The following ZCWPW1 variants were observed in gnomAD, a reference collection of about 807,000 sequenced individuals.
ZCWPW1 encodes the protein zinc finger CW-type PWWP domain protein 1.
ZCWPW1 carries 56 observed loss-of-function variants against 81.3 expected under a neutral mutation model. That is an observed-to-expected ratio of 0.69 (90% confidence interval 0.56 to 0.86). ZCWPW1 has a LOEUF of 0.86. ZCWPW1 is among the 40% of genes least tolerant of loss of function. The pLI is 0.00. For missense variants in ZCWPW1, 650 were observed against 769.8 expected, an observed-to-expected ratio of 0.84 and a Z score of 1.84; for synonymous variants, 250 against 273.7, an observed-to-expected ratio of 0.91 and a Z score of 0.86.
chr7:100,402,611 A>C (rs1792155207), intron 15 of ZCWPW1, 35 bp from the exon 16 acceptor site: 1 of 1,600,454 alleles, frequency 6.2e-7, no homozygotes, highest in South Asian at 1.1e-5. Context: ...AAAAATGATA[A>C]ATCAAGGCCC....
At position 100,426,200 on chromosome 7, in the gene ZCWPW1, A is replaced by G. The variant is rs540243041; in HGVS notation, c.-136-1064T>C. Among the ~76,000 whole-genome samples the G allele has an allele frequency of 2.6e-5, 4 of 152,324 alleles. No homozygotes were observed. The East Asian group carries it at 7.7e-4, about 29-fold the overall frequency. On this transcript the variant is annotated intron_variant, in intron 1 of 17. Coordinates refer to ENST00000684423, the MANE Select transcript of ZCWPW1 (RefSeq NM_001386010.1). The stretch of plus-strand genomic sequence containing the variant: ...TGAGCCTCAAAAAAGCGGTATTTAA[A>G]GAGTATATTTCAGCCGGGCGCAGTG...
intron 8 of ZCWPW1, 96 bp from the exon 9 acceptor site, chr7:100,409,640 G>T: frequency 2.4e-6 from 2 of 838,632 alleles, no homozygotes; most frequent in South Asian, 1.6e-5. Context: ...CTCCCAGAAT[G>T]ACATAGCCAG....
rs774492461 is a variant in ZCWPW1 at position 100,416,405 on chromosome 7, A to G, written c.531T>C (p.Ala177=). The change falls in exon 7 of 18, where the codon GCT becomes GCC. Residue 177 remains alanine (A), a synonymous_variant. Coordinates refer to ENST00000684423, the MANE Select transcript of ZCWPW1 (RefSeq NM_001386010.1). ...QEISVSWEGE[A]APEIRTSKLG... is the part of the protein sequence containing the mutation. ...ACTTAGATGTCCTTATCTCAGGGGC[A>G]GCTTCACCTTCCCAAGACACTGAAA... 1 of 1,614,102 alleles carries G rather than the reference A, an allele frequency of 6.2e-7. No homozygotes were observed. The highest frequency in any genetic ancestry group is 8.5e-7 in the Non-Finnish European group (1 of 1,180,050).
intron 9 of ZCWPW1, 100 bp downstream of exon 9, chr7:100,409,328 G>A: frequency 1.1e-6 from 1 of 945,984 alleles, no homozygotes; most frequent in East Asian, 2.5e-5. Flanking sequence ...GACACTGAGT[G>A]CTAACTATAT....
rs1430104782 is a variant in ZCWPW1 at position 100,426,429 on chromosome 7, T to C, written c.-136-1293A>G. Among the ~76,000 whole-genome samples the C allele has an allele frequency of 5.3e-5, 8 of 150,104 alleles. No homozygotes were observed. In the East Asian group the frequency reaches 1.2e-3, roughly 22 times the overall value. On this transcript the variant is annotated intron_variant, in intron 1 of 17. Transcript: ENST00000684423. The stretch of plus-strand genomic sequence containing the variant: ...ATCACTTGAACCCAGGAGGTGGAGG[T>C]TGCAGTGAGCCAAGACCGTGCTACT...
Position 100,416,311 on chromosome 7 carries a change from C to T in ZCWPW1, c.625G>A (p.Glu209Lys). ...TATATCTGACTGTACTTACGAGCTT[C>T]CTTCTTTCTTTTGCTTAAGGTGAGT... ...NRLTLSKRKK[E>K]AQDEKVEKTQ... Residue 209 changes from glutamate to lysine, a missense_variant, in exon 7 of 18, where the codon GAA becomes AAA. Coordinates refer to ENST00000684423, the MANE Select transcript of ZCWPW1 (RefSeq NM_001386010.1). The T allele has an allele frequency of 6.2e-7, 1 of 1,613,954 alleles. No individual in the cohort carries two copies. Among genetic ancestry groups the T allele is most frequent in the South Asian group, 1.1e-5 (1 of 91,062 alleles).
chr7:100,402,553 C>T lies in ZCWPW1; in HGVS notation c.1437G>A (p.Lys479=), dbSNP rs1347068567. ...TTTTTTGGGTCTGTATTTTGACTCG[C>T]TTACGAATGGGCAAAATTGGGTCCT... is the stretch of plus-strand genomic sequence containing the variant. ...EKTDPILPIR[K]RVKIQTQKTK... is the part of the protein sequence containing the mutation. Residue 479 remains lysine, a synonymous_variant, in exon 16 of 18, where the codon AAG becomes AAA. Coordinates refer to ENST00000684423, the MANE Select transcript of ZCWPW1 (RefSeq NM_001386010.1). The T allele has an allele frequency of 7.4e-6, 12 of 1,613,940 alleles. No individual in the cohort carries two copies. The highest frequency in any genetic ancestry group is 1.3e-5 in the African/African-American group (1 of 74,896).
intron 16 of ZCWPW1, 108 bp downstream of exon 16, chr7:100,402,408 G>A (rs929771358): frequency 8.9e-6 from 11 of 1,229,826 alleles, no homozygotes; most frequent in Non-Finnish European, 1.3e-5. Flanking sequence ...GTTTTCTCAG[G>A]TCCTGGCACT....
At chr7:100,403,881 C>CT in intron 14 of ZCWPW1, 96 bp from the exon 15 acceptor site, 1 of 1,272,922 alleles carries the variant, frequency 7.9e-7, no homozygotes, top group Non-Finnish European at 1.1e-6. Context: ...CTAACTGTGC[C>CT]TTTTGTGTAC....
In ZCWPW1 at chr7:100,404,999, G is replaced by T; in HGVS notation, c.1254+14C>A. On this transcript the variant is annotated intron_variant, in intron 13 of 17. Transcript: ENST00000684423. ...GTAGGGAAAGGAATGGGTGTGGTCT[G>T]AACACCCTCCCACCTGAATGCTGAT... 1 of 1,611,784 alleles carries T rather than the reference G, an allele frequency of 6.2e-7. No individual in the cohort carries two copies. The highest frequency in any genetic ancestry group is 1.1e-5 in the South Asian group (1 of 91,010).
intron 1 of ZCWPW1, among the ~76,000 whole-genome samples, chr7:100,426,470 C>G (rs1398539010): frequency 9.4e-6 from 1 of 106,730 alleles, no homozygotes; most frequent in South Asian, 2.8e-4. Context: ...CCAGCCTGGG[C>G]AAAATGAGTG....
rs201979423 is a variant in ZCWPW1 at position 100,416,285 on chromosome 7, G to A, written c.631+20C>T. ...GCTAGTACTTGAGCCAGGCTTCAAA[G>A]TATATCTGACTGTACTTACGAGCTT... On this transcript the variant is annotated intron_variant, in intron 7 of 17. Transcript: ENST00000684423. 5.6e-6 allele frequency: 9 copies of A among 1,612,196 alleles called. No homozygotes were observed. The African/African-American group carries it at 9.4e-5, about 17-fold the overall frequency.
At chr7:100,419,042 C>T in intron 5 of ZCWPW1, 69 bp downstream of exon 5, 1 of 1,283,396 alleles carries the variant, frequency 7.8e-7, no homozygotes, top group Non-Finnish European at 1.1e-6. Context: ...AGCTGTCAGA[C>T]TTAACTCTCC....
intron 10 of ZCWPW1, 65 bp from the exon 11 acceptor site, chr7:100,407,368 A>T: frequency 7.4e-7 from 1 of 1,355,892 alleles, no homozygotes; most frequent in South Asian, 1.2e-5. Flanking sequence ...ACACAACCTC[A>T]TCAATGTACA....
At chr7:100,420,515 G>C in intron 3 of ZCWPW1, 107 bp downstream of exon 3, 1 of 1,333,214 alleles carries the variant, frequency 7.5e-7, no homozygotes, top group Non-Finnish European at 1.1e-6. Context: ...TTTGACCTGA[G>C]TGGGCACAGA....
At chr7:100,425,571 C>G (rs1452337884) in intron 1 of ZCWPW1, among the ~76,000 whole-genome samples, 1 of 152,088 alleles carries the variant, frequency 6.6e-6, no homozygotes, top group Admixed American at 6.5e-5. Flanking sequence ...AAGTGTAGTC[C>G]CAAAATCCTA....
Position 100,402,034 on chromosome 7 carries a change from C to T in ZCWPW1, c.1482G>A (p.Gly494=). ...QTQKTKPRGL[G]GDAGTADGRG... ...GGCCATCTGCTGTGCCTGCATCACC[C>T]CCAAGCCCTAGCCGTGAGGGAAATG... The change falls in exon 17 of 18, where the codon GGG becomes GGA. Residue 494 remains glycine, a synonymous_variant. Transcript: ENST00000684423. 6.2e-7 allele frequency: 1 copy of T among 1,607,712 alleles called. No individual in the cohort carries two copies. Among genetic ancestry groups the T allele is most frequent in the South Asian group, 1.1e-5 (1 of 90,196 alleles).
At chr7:100,412,174 C>T (rs1794306312) in intron 8 of ZCWPW1, among the ~76,000 whole-genome samples, 1 of 152,208 alleles carries the variant, frequency 6.6e-6, no homozygotes, top group African/African-American at 2.4e-5. Context: ...CCATGATACA[C>T]TTTCTCCTGA....
chr7:100,420,590 T>A, intron 3 of ZCWPW1, 32 bp downstream of exon 3: 1 of 1,613,888 alleles, frequency 6.2e-7, no homozygotes, highest in Non-Finnish European at 8.5e-7. Context: ...GAGAGAAATG[T>A]ATGAAGCGAA....
Sources: gnomAD v4.1 joint callset for allele counts (sites outside exome capture counted in the v4.1 genomes callset) on GRCh38, gnomAD v4.1.1 for gene constraint, MANE v1.5 for transcripts, NCBI Gene and HGNC (gene_info 2026-07-23, HGNC 2026-07-21) for gene names.